SCARA3: variants seen among roughly 807,000 people sequenced by gnomAD.
The protein encoded by SCARA3 is scavenger receptor class A member 3.
In SCARA3, 39 loss-of-function variants were observed where a neutral mutation model predicts 47.0. The ratio of observed to expected loss-of-function variants is 0.83; its 90% CI spans 0.64 to 1.08. The LOEUF (loss-of-function observed/expected upper bound fraction) is 1.08, where lower values mean the gene tolerates loss of function less well. Ranked by LOEUF, SCARA3 falls within the 50% of genes least tolerant of loss-of-function variation. SCARA3 has a pLI of 0.00. For synonymous variants in SCARA3, 356 were observed against 334.1 expected (o/e 1.07, Z -0.71); for missense variants, 724 against 792.3 (o/e 0.91, Z 1.04).
the SCARA3 span, among the ~76,000 whole-genome samples, chr8:27,714,750 C>A: frequency 2.6e-5 from 4 of 152,150 alleles, no homozygotes; most frequent in Admixed American, 2.0e-4. Context: ...ATTTGTAATA[C>A]TTTTCTCCAA....
At chr8:27,643,661 G>A (rs1030052862) in intron 1 of SCARA3, among the ~76,000 whole-genome samples, 12 of 152,150 alleles carry the variant, frequency 7.9e-5, no homozygotes, top group African/African-American at 2.2e-4. Flanking sequence ...TATAGCATTG[G>A]CTCCAGAGAA....
chr8:27,728,524 A>C, the SCARA3 span, among the ~76,000 whole-genome samples: 2 of 152,072 alleles, frequency 1.3e-5, no homozygotes, highest in Non-Finnish European at 2.9e-5. Context: ...ATCCTCCCTA[A>C]ACCCACCTTC....
chr8:27,729,724 A>G, the SCARA3 span, among the ~76,000 whole-genome samples: 1 of 152,128 alleles, frequency 6.6e-6, no homozygotes, highest in Non-Finnish European at 1.5e-5. Context: ...CCGGGAGGCG[A>G]AAGTTACAGT....
At chr8:27,655,778 G>T (rs1252787821) in intron 3 of SCARA3, among the ~76,000 whole-genome samples, 1 of 152,142 alleles carries the variant, frequency 6.6e-6, no homozygotes. Flanking sequence ...CATAATTGCT[G>T]TATTATTTAT....
intron 1 of SCARA3, among the ~76,000 whole-genome samples, chr8:27,636,038 A>G (rs1418330884): frequency 6.6e-6 from 1 of 152,184 alleles, no homozygotes; most frequent in Non-Finnish European, 1.5e-5. Flanking sequence ...TGAGCCAAGC[A>G]AGTTATAATC....
At chr8:27,678,338 A>T (rs932728621), downstream of SCARA3, among the ~76,000 whole-genome samples, 5 of 152,238 alleles carry the variant, frequency 3.3e-5, no homozygotes, top group Non-Finnish European at 5.9e-5. Context: ...ACCAAGAGTG[A>T]GACCATCACC....
intron 5 of SCARA3, among the ~76,000 whole-genome samples, chr8:27,665,479 G>C (rs1276863480): frequency 6.6e-6 from 1 of 152,198 alleles, no homozygotes; most frequent in African/African-American, 2.4e-5. Context: ...GGGAATTGTA[G>C]ACTAAAACCA....
At chr8:27,641,273 C>A (rs894290282) in intron 1 of SCARA3, among the ~76,000 whole-genome samples, 2 of 152,226 alleles carry the variant, frequency 1.3e-5, no homozygotes, top group African/African-American at 4.8e-5. Context: ...ACGAGAAGGC[C>A]TCTTTCCCCA....
At chr8:27,634,585 C>A (rs1016546369) in intron 1 of SCARA3, among the ~76,000 whole-genome samples, 12 of 152,196 alleles carry the variant, frequency 7.9e-5, no homozygotes, top group African/African-American at 1.2e-4. Context: ...ATCAGAGAGG[C>A]CCCTGCATCC....
At chr8:27,727,396 C>T in the SCARA3 span, among the ~76,000 whole-genome samples, 1 of 152,220 alleles carries the variant, frequency 6.6e-6, no homozygotes, top group Non-Finnish European at 1.5e-5. Context: ...GCGTGATGCG[C>T]GCCGAGACCA....
chr8:27,703,591 T>G, the SCARA3 span: 3 of 152,230 alleles, frequency 2.0e-5, no homozygotes, highest in African/African-American at 4.8e-5. Context: ...AGGATGCAGG[T>G]GCAGTCTGGA....
the SCARA3 span, among the ~76,000 whole-genome samples, chr8:27,720,962 A>G: frequency 0.031 from 4,714 of 152,012 alleles, 230 homozygotes; most frequent in African/African-American, 0.11. Flanking sequence ...CTATTTATCC[A>G]TCCATCCATC....
Position 27,656,808 on chromosome 8 carries a change from G to A in SCARA3, c.253G>A (p.Glu85Lys), listed in dbSNP as rs555402223. 4.8e-5 allele frequency: 77 copies of A among 1,612,550 alleles called. No homozygotes were observed. The South Asian group carries it at 6.4e-4, about 13-fold the overall frequency. The change falls in exon 4 of 6, where the codon GAA becomes AAA. Residue 85 changes from glutamate to lysine, a missense_variant. Glu to Lys is a moderately conservative substitution (Grantham distance 56, BLOSUM62 1). Transcript: ENST00000301904. ...TTTCAGAAAAGTGGACTCTCTCTCC[G>A]AAGACATCTCCTTGACCCAGTCTAT... ...LVFRKVDSLS[E>K]DISLTQSIYD...
At chr8:27,726,029 G>T in the SCARA3 span, among the ~76,000 whole-genome samples, 1 of 152,200 alleles carries the variant, frequency 6.6e-6, no homozygotes, top group African/African-American at 2.4e-5. Flanking sequence ...CCCAGGCTTA[G>T]GTCTTCTGTT....
At chr8:27,734,130 T>A in the SCARA3 span, 1 of 152,232 alleles carries the variant, frequency 6.6e-6, no homozygotes, top group East Asian at 1.9e-4. Context: ...TCTCAACATC[T>A]GTGTTGGTAA....
At chr8:27,690,526 TATG>T in the SCARA3 span, among the ~76,000 whole-genome samples, 1 of 152,184 alleles carries the variant, frequency 6.6e-6, no homozygotes, top group Non-Finnish European at 1.5e-5. Context: ...CTACCTAAAT[TATG>T]ATACATTTCT....
At position 27,634,223 on chromosome 8, in the gene SCARA3, C is replaced by T. The variant is rs750721310; in HGVS notation, c.7+16C>T. ...ACCATGAAAGGTAAGGGCGGCCTGT[C>T]GGGGGCAGCTCCGAGGGGGGCCGCC... On this transcript the variant is annotated intron_variant, in intron 1 of 5. Transcript: ENST00000301904. 9 of 1,357,662 alleles carry T rather than the reference C, an allele frequency of 6.6e-6. No individual in the cohort carries two copies. In the South Asian group the frequency reaches 1.6e-4, roughly 25 times the overall value. The allele number at this position is 1,357,662 out of a possible 1,614,324, so 84.1% of individuals were successfully genotyped here.
chr8:27,721,720 A>G, the SCARA3 span, among the ~76,000 whole-genome samples: 35 of 152,306 alleles, frequency 2.3e-4, no homozygotes, highest in African/African-American at 8.4e-4. Flanking sequence ...TGAGCAACCC[A>G]GTTTACAAAT....
the SCARA3 span, among the ~76,000 whole-genome samples, chr8:27,727,395 G>A: frequency 2.0e-5 from 3 of 152,146 alleles, no homozygotes; most frequent in South Asian, 2.1e-4. Context: ...CGCGTGATGC[G>A]CGCCGAGACC....
Sources: allele counts gnomAD v4.1 joint callset (sites outside exome capture counted in the v4.1 genomes callset), GRCh38; gene constraint gnomAD v4.1.1; transcripts MANE v1.5; gene names NCBI Gene and HGNC (gene_info 2026-07-23, HGNC 2026-07-21).